The following AK5 variants were observed in gnomAD, a reference collection of about 807,000 sequenced individuals.
AK5 encodes the protein adenylate kinase isoenzyme 5.
AK5 carries 27 observed loss-of-function variants against 69.5 expected under a neutral mutation model. The observed-to-expected ratio is 0.39, with a 90% CI of 0.29 to 0.54. The LOEUF (loss-of-function observed/expected upper bound fraction) is 0.54. Among genes scored for constraint, AK5 ranks in the 20% least tolerant of loss-of-function variants. The pLI is 0.71. For synonymous variants in AK5, 260 were observed against 244.4 expected (o/e 1.06, Z -0.60); for missense variants, 531 against 700.4 (o/e 0.76, Z 2.73).
At chr1:77,554,675 A>C (rs1356226293) in intron 13 of AK5, among the ~76,000 whole-genome samples, 1 of 151,772 alleles carries the variant, frequency 6.6e-6, no homozygotes, top group African/African-American at 2.4e-5. Flanking sequence ...GCGCGATCTC[A>C]GCTCACTGTC....
Position 77,282,214 on chromosome 1 carries a change from GCT to G in AK5, c.-98_-97del. The G allele has an allele frequency of 8.6e-7, 1 of 1,158,888 alleles. No homozygotes were observed. Among genetic ancestry groups the G allele is most frequent in the Non-Finnish European group, 1.2e-6 (1 of 825,748 alleles). 71.8% of individuals were successfully genotyped at this position (1,158,888 alleles called of 1,614,324 possible). On this transcript the variant is annotated 5_prime_UTR_variant, in exon 1 of 14. Coordinates refer to ENST00000354567, the MANE Select transcript of AK5 (RefSeq NM_174858.3). ...GCGTGAGAAAGAGGGCTGCACCGCT[GCT>G]CGGCGCGGACTCTGCCAGCCCCAGC...
At chr1:77,490,775 C>CT (rs957919537) in intron 10 of AK5, among the ~76,000 whole-genome samples, 3 of 150,270 alleles carry the variant, frequency 2.0e-5, no homozygotes, top group Non-Finnish European at 3.0e-5. Context: ...CATTTCTTTC[C>CT]TTTTTTCTTT....
chr1:77,534,504 T>C (rs915023802), intron 12 of AK5, among the ~76,000 whole-genome samples: 4 of 152,180 alleles, frequency 2.6e-5, no homozygotes, highest in Admixed American at 2.0e-4. Context: ...GAATCGTTAG[T>C]GAGTGTCTGC....
intron 6 of AK5, among the ~76,000 whole-genome samples, chr1:77,358,417 G>A (rs897958579): frequency 6.6e-6 from 1 of 151,990 alleles, no homozygotes; most frequent in Non-Finnish European, 1.5e-5. Flanking sequence ...CTTACAGAAC[G>A]CACAAATGAA....
intron 7 of AK5, among the ~76,000 whole-genome samples, chr1:77,413,638 A>G (rs1650194084): frequency 6.6e-6 from 1 of 152,258 alleles, no homozygotes; most frequent in Non-Finnish European, 1.5e-5. Context: ...ACCCCAGAGG[A>G]TTGTTCTGAA....
intron 5 of AK5, among the ~76,000 whole-genome samples, chr1:77,322,171 G>T (rs1660569159): frequency 1.3e-5 from 2 of 152,152 alleles, no homozygotes; most frequent in Admixed American, 1.3e-4. Flanking sequence ...AGGGTGATAT[G>T]CTTGTGTTTG....
chr1:77,527,346 C>T lies in AK5; in HGVS notation c.1428+5403C>T, dbSNP rs1379479930. ...TGCAGCCCATTGGTCTGTCCTCTGGCGTAAGTATGAATTCAAATGGTCCAT... is the reference window on the plus strand; with the variant it reads ...TGCAGCCCATTGGTCTGTCCTCTGGTGTAAGTATGAATTCAAATGGTCCAT... On this transcript the variant is annotated intron_variant, in intron 12 of 13. Coordinates refer to ENST00000354567, the MANE Select transcript of AK5 (RefSeq NM_174858.3). Among the ~76,000 whole-genome samples the T allele has an allele frequency of 2.0e-5, 3 of 152,116 alleles. No individual in the cohort carries two copies. In the South Asian group the frequency reaches 6.2e-4, roughly 32 times the overall value.
intron 13 of AK5, among the ~76,000 whole-genome samples, chr1:77,544,062 A>G (rs1489097749): frequency 1.3e-5 from 2 of 152,220 alleles, no homozygotes; most frequent in Non-Finnish European, 2.9e-5. Flanking sequence ...GGTATAGCCT[A>G]CTACACACGA....
At chr1:77,457,487 C>T (rs56910202) in intron 8 of AK5, among the ~76,000 whole-genome samples, 6,934 of 152,202 alleles carry the variant, frequency 0.046, 405 homozygotes, top group East Asian at 0.19. Flanking sequence ...TCCTTAACTT[C>T]ACCTTCCATC....
intron 13 of AK5, among the ~76,000 whole-genome samples, chr1:77,554,297 G>A (rs993503443): frequency 1.3e-5 from 2 of 152,102 alleles, no homozygotes; most frequent in African/African-American, 4.8e-5. Context: ...CTTCTAGGCC[G>A]AGCTTAACTG....
chr1:77,425,264 A>G (rs1211632121), intron 8 of AK5, among the ~76,000 whole-genome samples: 3 of 152,206 alleles, frequency 2.0e-5, no homozygotes, highest in Non-Finnish European at 2.9e-5. Context: ...CTGGCAAGAA[A>G]TGTTAAAAGA....
intron 8 of AK5, among the ~76,000 whole-genome samples, chr1:77,473,557 C>A (rs776232776): frequency 1.3e-5 from 2 of 152,304 alleles, no homozygotes; most frequent in African/African-American, 4.8e-5. Context: ...TTTCTAATTG[C>A]CTATGCACTG....
intron 5 of AK5, among the ~76,000 whole-genome samples, chr1:77,325,199 G>T (rs545244129): frequency 2.0e-5 from 3 of 150,442 alleles, no homozygotes; most frequent in Non-Finnish European, 4.4e-5. Context: ...TTTTGACGGG[G>T]TTTCACCACG....
chr1:77,555,449 G>A (rs935253232), intron 13 of AK5, among the ~76,000 whole-genome samples: 2 of 152,108 alleles, frequency 1.3e-5, no homozygotes, highest in Non-Finnish European at 2.9e-5. Context: ...TCAGCATAGT[G>A]TAATGTAGTC....
chr1:77,526,851 T>A (rs1478745422), intron 12 of AK5, among the ~76,000 whole-genome samples: 1 of 151,724 alleles, frequency 6.6e-6, no homozygotes, highest in Admixed American at 6.6e-5. Context: ...GAGGACAAGA[T>A]GTATAGTAAA....
intron 12 of AK5, among the ~76,000 whole-genome samples, chr1:77,535,405 C>T (rs1395573858): frequency 6.6e-6 from 1 of 152,158 alleles, no homozygotes; most frequent in Non-Finnish European, 1.5e-5. Flanking sequence ...GCCCCACTCA[C>T]CTGACACAGT....
At chr1:77,297,756 T>C in intron 4 of AK5, 28 bp downstream of exon 4, 1 of 1,605,420 alleles carries the variant, frequency 6.2e-7, no homozygotes, top group Non-Finnish European at 8.5e-7. Context: ...TCTTTTATTC[T>C]GCAAAATGTT....
At position 77,320,656 on chromosome 1, in the gene AK5, G is replaced by A. The variant is rs952663459; in HGVS notation, c.700-19721G>A. Among the ~76,000 whole-genome samples, 4 of 152,206 alleles carry A rather than the reference G, an allele frequency of 2.6e-5. No individual in the cohort carries two copies. In the South Asian group the frequency reaches 8.3e-4, roughly 32 times the overall value. ...ACCAGCTACTCAGGAAGCTGAGACA[G>A]GAGAATTGCTTGAATCCGAGAAGCA... On this transcript the variant is annotated intron_variant, in intron 5 of 13. Transcript: ENST00000354567.
chr1:77,343,872 G>A (rs1473372686), intron 6 of AK5, among the ~76,000 whole-genome samples: 1 of 152,054 alleles, frequency 6.6e-6, no homozygotes, highest in African/African-American at 2.4e-5. Flanking sequence ...GCCCTTTGAG[G>A]GAACTCTGTT....
Sources: allele counts gnomAD v4.1 joint callset (sites outside exome capture counted in the v4.1 genomes callset), GRCh38; gene constraint gnomAD v4.1.1; transcripts MANE v1.5; gene names NCBI Gene and HGNC (gene_info 2026-07-23, HGNC 2026-07-21).